ROCK1: variants seen among roughly 807,000 people sequenced by gnomAD.
The protein encoded by ROCK1 is rho-associated protein kinase 1.
In ROCK1, 36 loss-of-function variants were observed where a neutral mutation model predicts 196.8. The ratio of observed to expected loss-of-function variants is 0.18; its 90% CI spans 0.14 to 0.24. The LOEUF is 0.24. ROCK1 is among the 10% of genes least tolerant of loss of function. ROCK1 has a pLI of 1.00. For synonymous variants in ROCK1, 443 were observed against 515.9 expected (o/e 0.86, Z 1.91); for missense variants, 920 against 1,562.0 (o/e 0.59, Z 6.93).
At chr18:20,984,989 C>T (rs1254343390) in intron 19 of ROCK1, among the ~76,000 whole-genome samples, 1 of 151,978 alleles carries the variant, frequency 6.6e-6, no homozygotes, top group Non-Finnish European at 1.5e-5. Context: ...TGGTACACTC[C>T]TGTAGTCCCA....
intron 1 of ROCK1, among the ~76,000 whole-genome samples, chr18:21,090,843 T>C (rs1413584454): frequency 6.8e-6 from 1 of 147,272 alleles, no homozygotes; most frequent in African/African-American, 2.4e-5. Flanking sequence ...AGAGCTTACA[T>C]GTAAGAGCAT....
In ROCK1 at chr18:21,042,639, T is replaced by C; in HGVS notation, c.746A>G (p.Gln249Arg). 2 of 1,613,926 alleles carry C rather than the reference T, an allele frequency of 1.2e-6. No individual in the cohort carries two copies. The highest frequency in any genetic ancestry group is 1.7e-6 in the Non-Finnish European group (2 of 1,179,864). ...DYISPEVLKS[Q>R]GGDGYYGREC... is the part of the protein sequence containing the mutation. ...TCTTCCATAATAACCATCACCACCT[T>C]GGGATTTTAATACTTCAGGGGAAAT... Residue 249 changes from glutamine (Q) to arginine (R), a missense_variant, in exon 7 of 33, where the codon CAA becomes CGA. Around this residue, in one of 6 missense-constraint regions of ROCK1, gnomAD observed 234 missense variants for 460.7 expected, o/e 0.51. Coordinates refer to ENST00000399799, the MANE Select transcript of ROCK1 (RefSeq NM_005406.3).
chr18:21,069,023 G>T (rs2036361043), intron 2 of ROCK1, among the ~76,000 whole-genome samples: 1 of 152,098 alleles, frequency 6.6e-6, no homozygotes, highest in South Asian at 2.1e-4. Context: ...AGAGAGGACA[G>T]ATTTGCCTTT....
At chr18:20,993,089 G>C in intron 16 of ROCK1, 152 bp from the exon 17 acceptor site, 1 of 569,858 alleles carries the variant, frequency 1.8e-6, no homozygotes, top group Non-Finnish European at 3.1e-6. Context: ...ATAAACACAA[G>C]ATATGGAATA....
intron 9 of ROCK1, among the ~76,000 whole-genome samples, chr18:21,030,173 A>C (rs369119923): frequency 3.3e-5 from 5 of 152,204 alleles, no homozygotes; most frequent in East Asian, 3.8e-4. Context: ...TAATATTTGT[A>C]AAATGAGGTG....
chr18:21,094,964 C>T (rs1316457890), intron 1 of ROCK1, among the ~76,000 whole-genome samples: 2 of 149,802 alleles, frequency 1.3e-5, no homozygotes, highest in Non-Finnish European at 3.0e-5. Context: ...GCAGGAGAAT[C>T]GCTTGAACCT....
chr18:21,032,015 G>A (rs1474287221), intron 9 of ROCK1, among the ~76,000 whole-genome samples: 4 of 152,148 alleles, frequency 2.6e-5, no homozygotes, highest in Non-Finnish European at 5.9e-5. Flanking sequence ...ACACATTATG[G>A]GAGTTCCAGA....
chr18:21,008,021 A>T, intron 14 of ROCK1, 38 bp downstream of exon 14: 1 of 1,510,180 alleles, frequency 6.6e-7, no homozygotes, highest in Non-Finnish European at 9.0e-7. Flanking sequence ...TGACAGTGTT[A>T]GAAATTCTAT....
intron 2 of ROCK1, 45 bp from the exon 3 acceptor site, chr18:21,049,925 A>T: frequency 2.1e-6 from 2 of 949,168 alleles, no homozygotes; most frequent in Non-Finnish European, 3.2e-6. Context: ...CTAAAGCATT[A>T]CAACTAGCAC....
intron 2 of ROCK1, among the ~76,000 whole-genome samples, chr18:21,050,998 A>T (rs1470110294): frequency 6.6e-6 from 1 of 152,250 alleles, no homozygotes; most frequent in Non-Finnish European, 1.5e-5. Context: ...GAATTCAAAA[A>T]ATGTAATAAG....
In ROCK1 at chr18:21,069,290, GGC is replaced by G. The variant is rs377193428; in HGVS notation, c.175+1240_175+1241del. 6.5e-3 allele frequency among the ~76,000 whole-genome samples: 995 copies of G among 151,966 alleles called. 13 individuals carry two copies. Among genetic ancestry groups the G allele is most frequent in the African/African-American group, 0.023 (956 of 41,434 alleles). On this transcript the variant is annotated intron_variant, in intron 2 of 32. Transcript: ENST00000399799. Reference sequence around the variant, plus strand: ...AATTTTATACTAACTTAGTAATCCTGGCATAAACTATCCTTGGTCATGATTTT... The same window carrying G: ...AATTTTATACTAACTTAGTAATCCTGATAAACTATCCTTGGTCATGATTTT...
At chr18:20,999,440 C>A (rs1438795575) in intron 16 of ROCK1, among the ~76,000 whole-genome samples, 1 of 151,872 alleles carries the variant, frequency 6.6e-6, no homozygotes, top group Non-Finnish European at 1.5e-5. Flanking sequence ...AAATCTTACA[C>A]ACCAAAAAAC....
intron 27 of ROCK1, 103 bp downstream of exon 27, chr18:20,966,814 A>T: frequency 1.1e-6 from 1 of 874,172 alleles, no homozygotes; most frequent in East Asian, 2.5e-5. Context: ...CTTCTTAGGA[A>T]TCCATGGACA....
At chr18:21,041,826 T>G (rs183118465) in intron 8 of ROCK1, among the ~76,000 whole-genome samples, 2 of 152,150 alleles carry the variant, frequency 1.3e-5, no homozygotes, top group Non-Finnish European at 1.5e-5. Flanking sequence ...GTAATTTTTA[T>G]AATTAACCAA....
Position 20,948,182 on chromosome 18 carries a change from A to C in ROCK1, c.*3202T>G, listed in dbSNP as rs2035148037. On this transcript the variant is annotated 3_prime_UTR_variant, in exon 33 of 33. Transcript: ENST00000399799. The stretch of plus-strand genomic sequence containing the variant: ...GCCAAGCCAATTGGGAGGGATTACA[A>C]AGTTGGACTTCTACTACAGATATAA... 1 of 152,228 alleles carries C rather than the reference A, an allele frequency of 6.6e-6. No homozygotes were observed. Among genetic ancestry groups the C allele is most frequent in the Non-Finnish European group, 1.5e-5 (1 of 68,036 alleles). The allele number at this position is 152,228 out of a possible 1,614,324, so 9.4% of individuals were successfully genotyped here.
chr18:21,043,158 T>C (rs1332698421), intron 6 of ROCK1, among the ~76,000 whole-genome samples: 6 of 152,150 alleles, frequency 3.9e-5, no homozygotes, highest in Non-Finnish European at 8.8e-5. Context: ...CATATTGGTA[T>C]AAACACTGAC....
intron 9 of ROCK1, among the ~76,000 whole-genome samples, chr18:21,035,562 A>G (rs1156588644): frequency 6.6e-6 from 1 of 152,222 alleles, no homozygotes; most frequent in Non-Finnish European, 1.5e-5. Flanking sequence ...ATTAATAGAA[A>G]ACAGGGATAT....
intron 13 of ROCK1, among the ~76,000 whole-genome samples, chr18:21,012,703 T>G (rs1265034462): frequency 6.6e-6 from 1 of 152,224 alleles, no homozygotes; most frequent in African/African-American, 2.4e-5. Context: ...TTTGTTGAAT[T>G]TTCTGTCGTC....
At chr18:20,963,412 G>A (rs2035345091) in intron 27 of ROCK1, among the ~76,000 whole-genome samples, 1 of 151,944 alleles carries the variant, frequency 6.6e-6, no homozygotes, top group Non-Finnish European at 1.5e-5. Flanking sequence ...ATTCAAAAGT[G>A]ATATAAAAAA....
Sources: allele counts gnomAD v4.1 joint callset (sites outside exome capture counted in the v4.1 genomes callset), GRCh38; gene constraint gnomAD v4.1.1; regional missense constraint gnomAD v4.1.1; transcripts MANE v1.5; gene names NCBI Gene and HGNC (gene_info 2026-07-23, HGNC 2026-07-21).